Variants in OXSR1 observed in about 807,000 individuals in gnomAD.
The protein encoded by OXSR1 is serine/threonine-protein kinase OSR1.
Under a neutral mutation model 79.8 loss-of-function variants are expected in OXSR1, and 24 were observed. That is an observed-to-expected ratio of 0.30 (90% CI 0.22 to 0.42). The LOEUF is 0.42. Among genes scored for constraint, OXSR1 ranks in the 10% least tolerant of loss-of-function variants. OXSR1 has a pLI of 1.00. For synonymous variants in OXSR1, 226 were observed against 209.2 expected (o/e 1.08, Z -0.69); for missense variants, 430 against 618.4 (o/e 0.70, Z 3.23).
At chr3:38,166,447 C>T (rs147352758) in intron 1 of OXSR1, among the ~76,000 whole-genome samples, 27 of 152,184 alleles carry the variant, frequency 1.8e-4, no homozygotes, top group African/African-American at 6.3e-4. Context: ...CTTACGACTC[C>T]TTCCAACTGA....
At chr3:38,218,647 G>A (rs1702531101) in intron 5 of OXSR1, among the ~76,000 whole-genome samples, 1 of 152,134 alleles carries the variant, frequency 6.6e-6, no homozygotes, top group South Asian at 2.1e-4. Context: ...TGTGTTGATA[G>A]TGACCTTTGA....
At chr3:38,252,747 G>A in intron 17 of OXSR1, 70 bp from the exon 18 acceptor site, 1 of 1,231,966 alleles carries the variant, frequency 8.1e-7, no homozygotes, top group Admixed American at 1.7e-5. Flanking sequence ...ACTATCCCAT[G>A]TCTGTTTTAT....
At chr3:38,236,763 G>A in intron 10 of OXSR1, 76 bp from the exon 11 acceptor site, 1 of 1,329,842 alleles carries the variant, frequency 7.5e-7, no homozygotes, top group Non-Finnish European at 1.0e-6. Context: ...AGTGATAGAA[G>A]AAGAGAGAAA....
chr3:38,166,789 C>CAAAAAAAAAAAAA (rs915290107), intron 1 of OXSR1, among the ~76,000 whole-genome samples: 3 of 63,820 alleles, frequency 4.7e-5, no homozygotes, highest in Non-Finnish European at 9.3e-5. Flanking sequence ...GACTCTGACT[C>CAAAAAAAAAAAAA]AAAAAAAAAA....
intron 12 of OXSR1, among the ~76,000 whole-genome samples, chr3:38,244,932 G>A (rs1703110724): frequency 6.6e-6 from 1 of 152,064 alleles, no homozygotes; most frequent in Non-Finnish European, 1.5e-5. Context: ...TCCAATTTCT[G>A]TGCATCCTCT....
intron 11 of OXSR1, among the ~76,000 whole-genome samples, chr3:38,241,007 G>A (rs1451167598): frequency 6.6e-6 from 1 of 152,110 alleles, no homozygotes; most frequent in Non-Finnish European, 1.5e-5. Flanking sequence ...AATCATCAAT[G>A]AAGCTAAATA....
chr3:38,221,724 G>A, intron 6 of OXSR1, 37 bp downstream of exon 6: 3 of 1,272,804 alleles, frequency 2.4e-6, no homozygotes, highest in Non-Finnish European at 2.3e-6. Context: ...ATGGGTTAGG[G>A]CTTTGTTTTG....
At chr3:38,233,751 CA>C (rs951856819) in intron 10 of OXSR1, among the ~76,000 whole-genome samples, 61 of 144,134 alleles carry the variant, frequency 4.2e-4, no homozygotes, top group Non-Finnish European at 6.9e-4. Flanking sequence ...CAGACTCTAC[CA>C]AAAAAAAAAA....
At position 38,253,968 on chromosome 3, in the gene OXSR1, G is replaced by A; in HGVS notation, c.*1077G>A. 1 of 378,026 alleles carries A rather than the reference G, an allele frequency of 2.6e-6. No homozygotes were observed. The allele number at this position is 378,026 out of a possible 1,614,324, so 23.4% of individuals were successfully genotyped here. On this transcript the variant is annotated 3_prime_UTR_variant, in exon 18 of 18. Transcript: ENST00000311806. ...ATGTGCCGTGACCTTTAGGTTTTAT[G>A]AGTAGACAGTGTTCATTTGATTTTC... is the stretch of plus-strand genomic sequence containing the variant.
chr3:38,178,144 A>G (rs1701707819), intron 1 of OXSR1, among the ~76,000 whole-genome samples: 1 of 149,582 alleles, frequency 6.7e-6, no homozygotes, highest in Non-Finnish European at 1.5e-5. Context: ...AGAGACAGGG[A>G]TTCGCCATGT....
chr3:38,230,220 T>A, intron 9 of OXSR1, 145 bp from the exon 10 acceptor site: 1 of 649,586 alleles, frequency 1.5e-6, no homozygotes, highest in Non-Finnish European at 2.8e-6. Context: ...CTAAAGGAGC[T>A]TCAGAGTGAA....
intron 10 of OXSR1, among the ~76,000 whole-genome samples, chr3:38,232,115 CAAA>C (rs1323644192): frequency 6.6e-6 from 1 of 151,678 alleles, no homozygotes. Context: ...TCAAAAAAAA[CAAA>C]AGAAGAGCGA....
intron 4 of OXSR1, among the ~76,000 whole-genome samples, chr3:38,207,628 G>C (rs974081362): frequency 1.3e-5 from 2 of 152,138 alleles, no homozygotes; most frequent in Non-Finnish European, 2.9e-5. Flanking sequence ...ATCCTATCAT[G>C]TCCAGGAAGC....
chr3:38,165,220 G>A (rs1399945943), upstream of OXSR1: 4 of 152,386 alleles, frequency 2.6e-5, no homozygotes, highest in Admixed American at 6.5e-5. Flanking sequence ...CGACGACGGA[G>A]ACAGCAGCGT....
chr3:38,165,712 C>T lies in OXSR1; in HGVS notation c.-165C>T. 1.7e-6 allele frequency: 1 copy of T among 587,102 alleles called. No individual in the cohort carries two copies. Among genetic ancestry groups the T allele is most frequent in the Non-Finnish European group, 2.9e-6 (1 of 340,270 alleles). The allele number at this position is 587,102 out of a possible 1,614,324, so 36.4% of individuals were successfully genotyped here. A position where few individuals can be genotyped will look rare whatever the true frequency, so the allele number is the denominator to read the frequency against. On this transcript the variant is annotated 5_prime_UTR_variant, in exon 1 of 18. Transcript: ENST00000311806. ...GCTCTGAGCCCCCGCTGCTCTGCCG[C>T]GCGGTGACCCCGCGCCCCGGCGCCG...
chr3:38,245,152 T>C (rs1487193253), intron 12 of OXSR1, among the ~76,000 whole-genome samples: 1 of 152,196 alleles, frequency 6.6e-6, no homozygotes, highest in Non-Finnish European at 1.5e-5. Flanking sequence ...ATTTTATTCC[T>C]TGTCTCCTTG....
chr3:38,218,389 G>T (rs1235823051), intron 5 of OXSR1, among the ~76,000 whole-genome samples: 2 of 152,072 alleles, frequency 1.3e-5, no homozygotes, highest in East Asian at 1.9e-4. Context: ...TCTCATTGTG[G>T]TTTTGATTTG....
At chr3:38,207,325 T>A (rs894123256) in intron 4 of OXSR1, among the ~76,000 whole-genome samples, 1 of 152,218 alleles carries the variant, frequency 6.6e-6, no homozygotes, top group East Asian at 1.9e-4. Flanking sequence ...ATAAATGACA[T>A]CAGTCCAGTA....
At chr3:38,203,626 A>G (rs1702211043) in intron 4 of OXSR1, among the ~76,000 whole-genome samples, 1 of 152,030 alleles carries the variant, frequency 6.6e-6, no homozygotes, top group East Asian at 1.9e-4. Flanking sequence ...GATCCTGGGG[A>G]ATTCTCTGAT....
Sources: gnomAD v4.1 joint callset for allele counts (sites outside exome capture counted in the v4.1 genomes callset) on GRCh38, gnomAD v4.1.1 for gene constraint, MANE v1.5 for transcripts, NCBI Gene and HGNC (gene_info 2026-07-23, HGNC 2026-07-21) for gene names.